SBNO2: variants seen among roughly 807,000 people sequenced by gnomAD.
SBNO2 encodes the protein strawberry notch homolog 2, also known as protein strawberry notch homolog 2.
In SBNO2, 89 loss-of-function variants were observed where a neutral mutation model predicts 146.3. The ratio of observed to expected loss-of-function variants is 0.61; its 90% CI spans 0.51 to 0.73. The LOEUF is 0.73. Among genes scored for constraint, SBNO2 ranks in the 30% least tolerant of loss-of-function variants. The pLI is 0.00. For synonymous variants in SBNO2, 1,147 were observed against 892.6 expected (o/e 1.29, Z -5.08); for missense variants, 2,092 against 2,003.7 (o/e 1.04, Z -0.84).
Position 1,126,227 on chromosome 19 carries a change from G to A in SBNO2, c.441+1377C>T, listed in dbSNP as rs577109881. Among the ~76,000 whole-genome samples the A allele has an allele frequency of 2.0e-5, 3 of 152,208 alleles. No individual in the cohort carries two copies. The highest frequency in any genetic ancestry group is 2.1e-4 in the South Asian group (1 of 4,824). On this transcript the variant is annotated intron_variant, in intron 5 of 31. Transcript: ENST00000361757. The surrounding 1 kb of genome is among the most constrained non-coding windows in gnomAD (Gnocchi z 4.4). ...GAGGGTTTTTAAAGAAAGTGGAAGC[G>A]TGGCACAGGAAGGTTAGAAACCTAT...
rs770550776 is a variant in SBNO2 at position 1,115,979 on chromosome 19, AGAGGGGCAGGGGTGGGTGGGGCCAT to A, written c.1885+17_1885+41del. ...CAGCCAGCCCCCGGGGGGAGAAAGC[AGAGGGGCAGGGGTGGGTGGGGCCAT>A]GGGGGGCAGGGCTTACGTTTCCGCT... On this transcript the variant is annotated intron_variant, in intron 17 of 31. Coordinates refer to ENST00000361757, the MANE Select transcript of SBNO2 (RefSeq NM_014963.3). 8.4e-6 allele frequency: 9 copies of A among 1,075,556 alleles called. No homozygotes were observed. The South Asian group carries it at 1.2e-4, about 15-fold the overall frequency. 66.6% of individuals were successfully genotyped at this position (1,075,556 alleles called of 1,614,324 possible).
chr19:1,155,728 G>A (rs546757573), intron 1 of SBNO2, among the ~76,000 whole-genome samples: 5 of 152,190 alleles, frequency 3.3e-5, no homozygotes, highest in South Asian at 2.1e-4. Context: ...GGGACCCCCC[G>A]ACCCCGGCCC....
chr19:1,110,988 G>A lies in SBNO2; in HGVS notation c.2884+31C>T, dbSNP rs777967079. On this transcript the variant is annotated intron_variant, in intron 25 of 31. Coordinates refer to ENST00000361757, the MANE Select transcript of SBNO2 (RefSeq NM_014963.3). This position sits in a 1 kb window ranked among gnomAD's most constrained non-coding sequence, Gnocchi z 4.9. ...AGGTTGCATGAGATGAGAGACAGGA[G>A]CGCCTCTGGGCCTGGGTGTGGGGCA... 3.1e-6 allele frequency: 5 copies of A among 1,605,908 alleles called. No individual in the cohort carries two copies. The highest frequency in any genetic ancestry group is 2.2e-5 in the South Asian group (2 of 90,038).
chr19:1,169,091 C>A (rs562123877), intron 1 of SBNO2: 188 of 152,412 alleles, frequency 1.2e-3, no homozygotes, highest in African/African-American at 4.4e-3. Context: ...AGCACGGGCA[C>A]GAGTCACAAA....
chr19:1,128,931 T>C (rs953046589), intron 4 of SBNO2, among the ~76,000 whole-genome samples: 3 of 147,508 alleles, frequency 2.0e-5, no homozygotes, highest in African/African-American at 5.0e-5. Context: ...ACTGCACAAC[T>C]ACATTCCAGC....
chr19:1,164,302 C>A (rs1346996136), intron 1 of SBNO2, among the ~76,000 whole-genome samples: 1 of 152,134 alleles, frequency 6.6e-6, no homozygotes, highest in Non-Finnish European at 1.5e-5. Context: ...ACCTCCTGTC[C>A]TGCTCCAGCA....
chr19:1,156,219 C>A (rs546794700), intron 1 of SBNO2, among the ~76,000 whole-genome samples: 1 of 152,292 alleles, frequency 6.6e-6, no homozygotes, highest in South Asian at 2.1e-4. Flanking sequence ...CTGAGCCCCC[C>A]ACGTCTGTGG....
At chr19:1,167,754 C>T (rs772716710) in intron 1 of SBNO2, among the ~76,000 whole-genome samples, 14 of 152,160 alleles carry the variant, frequency 9.2e-5, no homozygotes, top group Admixed American at 2.0e-4. Context: ...TGGGGCTGAC[C>T]CAGACCTGCA....
At chr19:1,130,199 T>C (rs149885655) in intron 4 of SBNO2, among the ~76,000 whole-genome samples, 148 of 152,074 alleles carry the variant, frequency 9.7e-4, no homozygotes, top group African/African-American at 3.3e-3. Flanking sequence ...GCCTCAGGAG[T>C]TAACGGTGGC....
intron 1 of SBNO2, among the ~76,000 whole-genome samples, chr19:1,162,354 G>C (rs1599880300): frequency 1.3e-5 from 2 of 149,756 alleles, no homozygotes; most frequent in South Asian, 4.3e-4. Context: ...CAGCTACTCG[G>C]GAGGCCGAGG....
rs1264345220 is a variant in SBNO2 at position 1,124,011 on chromosome 19, G to A, written c.453C>T (p.Leu151=). 1.2e-6 allele frequency: 2 copies of A among 1,611,282 alleles called. No homozygotes were observed. The highest frequency in any genetic ancestry group is 1.7e-6 in the Non-Finnish European group (2 of 1,179,154). ...CCTCGAAGCCTGCAAACGGCCTGCT[G>A]AGCTGGAACAGCTGGAAGGGGAGCA... ...APSTHDKLFQ[L]SRPFAGFEDF... is the part of the protein sequence containing the mutation. Residue 151 remains leucine (L), a synonymous_variant, in exon 6 of 32, where the codon CTC becomes CTT. Transcript: ENST00000361757.
In SBNO2 at chr19:1,161,951, C is replaced by T. The variant is rs1037169487; in HGVS notation, c.-126-7549G>A. On this transcript the variant is annotated intron_variant, in intron 1 of 31. Coordinates refer to ENST00000361757, the MANE Select transcript of SBNO2 (RefSeq NM_014963.3). Reference sequence around the variant, plus strand: ...TTGGGCCAGGCCTGCGGGGAGGAGCCGACATACAGCTTCCCCAGCAGCCGG... The same window carrying T: ...TTGGGCCAGGCCTGCGGGGAGGAGCTGACATACAGCTTCCCCAGCAGCCGG... Among the ~76,000 whole-genome samples, 7 of 116,414 alleles carry T rather than the reference C, an allele frequency of 6.0e-5. 1 individual carries two copies. In the South Asian group the frequency reaches 1.4e-3, roughly 24 times the overall value. 76.4% of individuals were successfully genotyped at this position (116,414 alleles called of 152,430 possible).
Position 1,157,033 on chromosome 19 carries a change from G to A in SBNO2, c.-126-2631C>T, listed in dbSNP as rs990166387. Among the ~76,000 whole-genome samples the A allele has an allele frequency of 5.0e-5, 5 of 100,988 alleles. No individual in the cohort carries two copies. Among genetic ancestry groups the A allele is most frequent in the Admixed American group, 1.3e-4 (1 of 7,440 alleles). The allele number at this position is 100,988 out of a possible 152,430, so 66.3% of individuals were successfully genotyped here. ...CCCCATCGCCTCCCACCCTGTCCTCGGCCATATCTCACAACCCCTGCTGCC... is the reference window on the plus strand; with the variant it reads ...CCCCATCGCCTCCCACCCTGTCCTCAGCCATATCTCACAACCCCTGCTGCC... On this transcript the variant is annotated intron_variant, in intron 1 of 31. Coordinates refer to ENST00000361757, the MANE Select transcript of SBNO2 (RefSeq NM_014963.3). This position sits in a 1 kb window ranked among gnomAD's most constrained non-coding sequence, Gnocchi z 6.8.
Position 1,112,428 on chromosome 19 carries a change from C to T in SBNO2, c.2489G>A (p.Ser830Asn), listed in dbSNP as rs1444362614. Residue 830 changes from serine to asparagine, a missense_variant, in exon 21 of 32, where the codon AGC (serine) becomes AAC (asparagine). Coordinates refer to ENST00000361757, the MANE Select transcript of SBNO2 (RefSeq NM_014963.3). The surrounding 1 kb of genome is among the most constrained non-coding windows in gnomAD (Gnocchi z 5.9). The part of the protein sequence containing the change: ...RVHMTLELPW[S>N]ADRAIQQFGR... ...GAACTGCTGGATGGCGCGGTCGGCG[C>T]TCCACGGCAGCTCCAAGGTCATGTG... is the stretch of plus-strand genomic sequence containing the variant. 2 of 1,606,190 alleles carry T rather than the reference C, an allele frequency of 1.2e-6. No individual in the cohort carries two copies. Among genetic ancestry groups the T allele is most frequent in the Non-Finnish European group, 1.7e-6 (2 of 1,178,510 alleles).
intron 19 of SBNO2, 73 bp downstream of exon 19, chr19:1,113,462 A>C: frequency 1.5e-6 from 2 of 1,339,150 alleles, no homozygotes; most frequent in Non-Finnish European, 2.0e-6. Flanking sequence ...CCAGAGCTGC[A>C]CACAGCCTGC....
chr19:1,116,634 T>C (rs1416201089), intron 16 of SBNO2, among the ~76,000 whole-genome samples, 195 bp downstream of exon 16: 2 of 151,834 alleles, frequency 1.3e-5, no homozygotes, highest in Non-Finnish European at 2.9e-5. Flanking sequence ...ATGCCTGGGG[T>C]CCACCTCCAA....
At chr19:1,119,188 G>A in intron 13 of SBNO2, 24 bp from the exon 14 acceptor site, 1 of 1,578,688 alleles carries the variant, frequency 6.3e-7, no homozygotes, top group South Asian at 1.1e-5. Flanking sequence ...CAGCCCCCGT[G>A]AGCACGGCCA....
rs568326543 is a variant in SBNO2 at position 1,133,567 on chromosome 19, C to A, written c.280-5802G>T. ...AGACTGTCGCCCACACCCCTTGCCA[C>A]GACCCATCACCTCCTGGAGGCTGGG... On this transcript the variant is annotated intron_variant, in intron 4 of 31. Coordinates refer to ENST00000361757, the MANE Select transcript of SBNO2 (RefSeq NM_014963.3). Among the ~76,000 whole-genome samples the A allele has an allele frequency of 2.0e-5, 3 of 152,364 alleles. No homozygotes were observed. The South Asian group carries it at 6.2e-4, about 32-fold the overall frequency.
At chr19:1,145,132 G>C (rs2080177414) in intron 4 of SBNO2, among the ~76,000 whole-genome samples, 4 of 151,856 alleles carry the variant, frequency 2.6e-5, no homozygotes, top group Admixed American at 2.6e-4. Context: ...CAGAGAGAGA[G>C]ACTAGGAGCA....
Sources: allele counts gnomAD v4.1 joint callset (sites outside exome capture counted in the v4.1 genomes callset), GRCh38; gene constraint gnomAD v4.1.1; non-coding constraint Gnocchi (gnomAD v3.1); transcripts MANE v1.5; gene names NCBI Gene and HGNC (gene_info 2026-07-23, HGNC 2026-07-21).